Variants in CHCHD3 observed in about 807,000 individuals in gnomAD.
CHCHD3 encodes the protein MICOS complex subunit MIC19.
Under a neutral mutation model 38.2 loss-of-function variants are expected in CHCHD3, and 20 were observed. That is an observed-to-expected ratio of 0.52 (90% CI 0.37 to 0.76). The LOEUF (loss-of-function observed/expected upper bound fraction) is 0.76. Among genes scored for constraint, CHCHD3 ranks in the 30% least tolerant of loss-of-function variants. CHCHD3 has a pLI of 0.00. For missense variants in CHCHD3, 245 were observed against 279.2 expected (o/e 0.88, Z 0.87); for synonymous variants, 82 against 100.0 (o/e 0.82, Z 1.07).
intron 3 of CHCHD3, among the ~76,000 whole-genome samples, chr7:133,022,016 G>C (rs1813191431): frequency 6.6e-6 from 1 of 152,038 alleles, no homozygotes. Context: ...GAACCCCAGA[G>C]GTGGAGGTTG....
intron 5 of CHCHD3, among the ~76,000 whole-genome samples, chr7:132,861,551 A>G (rs1456868578): frequency 6.6e-6 from 1 of 152,194 alleles, no homozygotes; most frequent in Non-Finnish European, 1.5e-5. Context: ...TCCACAATCA[A>G]TTATCCTCAG....
At chr7:133,059,845 C>G (rs1006890748) in intron 2 of CHCHD3, among the ~76,000 whole-genome samples, 2 of 152,192 alleles carry the variant, frequency 1.3e-5, no homozygotes, top group Admixed American at 1.3e-4. Context: ...GCTTCATTAT[C>G]TGATTTGCTT....
intron 4 of CHCHD3, among the ~76,000 whole-genome samples, chr7:132,898,869 C>T (rs1349957495): frequency 1.3e-5 from 2 of 152,332 alleles, no homozygotes; most frequent in Admixed American, 1.3e-4. Flanking sequence ...CCTCATTGCC[C>T]GGGGCCGGCA....
intron 4 of CHCHD3, among the ~76,000 whole-genome samples, chr7:132,924,838 C>T (rs971467424): frequency 3.3e-5 from 5 of 152,166 alleles, no homozygotes; most frequent in South Asian, 2.1e-4. Flanking sequence ...ATACAGCACT[C>T]GGCATGCAGC....
intron 3 of CHCHD3, among the ~76,000 whole-genome samples, chr7:132,979,208 C>T (rs994121228): frequency 2.0e-5 from 3 of 151,910 alleles, no homozygotes; most frequent in African/African-American, 7.3e-5. Context: ...AAGGTGGTGG[C>T]AGGGGATAAA....
chr7:132,870,707 G>C (rs1325572775), intron 5 of CHCHD3, among the ~76,000 whole-genome samples: 1 of 151,918 alleles, frequency 6.6e-6, no homozygotes, highest in Non-Finnish European at 1.5e-5. Flanking sequence ...GTCTATATTT[G>C]GGAGGGCCAC....
At chr7:133,022,801 C>CT (rs1354572000) in intron 3 of CHCHD3, among the ~76,000 whole-genome samples, 79 of 150,064 alleles carry the variant, frequency 5.3e-4, no homozygotes, top group African/African-American at 1.8e-3. Context: ...CTCATCTGCC[C>CT]TTTCCCTTTC....
At chr7:132,796,656 G>A (rs958228363) in intron 6 of CHCHD3, 79 bp from the exon 7 acceptor site, 117 of 1,292,300 alleles carry the variant, frequency 9.1e-5, no homozygotes, top group Non-Finnish European at 1.1e-4. Flanking sequence ...CACATAAAAC[G>A]CACAGTAAGA....
At chr7:132,963,198 A>G (rs1478919986) in intron 4 of CHCHD3, among the ~76,000 whole-genome samples, 1 of 149,682 alleles carries the variant, frequency 6.7e-6, no homozygotes, top group African/African-American at 2.4e-5. Flanking sequence ...TAGAATGATA[A>G]AGTGTGGTAA....
intron 5 of CHCHD3, among the ~76,000 whole-genome samples, chr7:132,878,138 C>T (rs555143000): frequency 3.9e-5 from 6 of 152,256 alleles, no homozygotes; most frequent in African/African-American, 1.2e-4. Context: ...CTGCATTAAT[C>T]CCTTGAAAAG....
At chr7:133,041,089 C>T (rs1243886804) in intron 2 of CHCHD3, among the ~76,000 whole-genome samples, 4 of 152,262 alleles carry the variant, frequency 2.6e-5, no homozygotes, top group South Asian at 2.1e-4. Flanking sequence ...CAGAATGCCT[C>T]GATCTAAAAC....
chr7:132,825,019 G>A (rs1025865859), intron 6 of CHCHD3, among the ~76,000 whole-genome samples: 14 of 152,044 alleles, frequency 9.2e-5, no homozygotes, highest in African/African-American at 2.2e-4. Flanking sequence ...AATTTTTCAC[G>A]AACAAATCTT....
At chr7:132,841,401 C>CAA (rs10718893) in intron 5 of CHCHD3, among the ~76,000 whole-genome samples, 1 of 126,884 alleles carries the variant, frequency 7.9e-6, no homozygotes, top group African/African-American at 2.9e-5. Flanking sequence ...AGAACTCATT[C>CAA]AAAAAAAAAA....
intron 4 of CHCHD3, among the ~76,000 whole-genome samples, chr7:132,919,094 T>TTTA (rs1810192236): frequency 7.3e-6 from 1 of 136,832 alleles, no homozygotes; most frequent in Non-Finnish European, 1.5e-5. Flanking sequence ...TATAGTTGGG[T>TTTA]TTATTCTTTT....
chr7:132,819,248 G>C (rs1807280145), intron 6 of CHCHD3, among the ~76,000 whole-genome samples: 1 of 152,106 alleles, frequency 6.6e-6, no homozygotes, highest in Non-Finnish European at 1.5e-5. Context: ...ATAATTCTTA[G>C]TTTTTAGACA....
intron 5 of CHCHD3, among the ~76,000 whole-genome samples, chr7:132,839,874 A>G (rs780542484): frequency 1.3e-5 from 2 of 152,234 alleles, no homozygotes; most frequent in Non-Finnish European, 2.9e-5. Flanking sequence ...AACATTTACT[A>G]TAATCTTATT....
At position 133,035,585 on chromosome 7, in the gene CHCHD3, G is replaced by T. The variant is rs757442555; in HGVS notation, c.170-10958C>A. 217 of 1,613,212 alleles carry T rather than the reference G, an allele frequency of 1.3e-4. No individual in the cohort carries two copies. The highest frequency in any genetic ancestry group is 1.7e-4 in the Non-Finnish European group (200 of 1,179,416). On this transcript the variant is annotated intron_variant, in intron 2 of 7. Transcript: ENST00000262570. The surrounding 1 kb of genome is among the most constrained non-coding windows in gnomAD (Gnocchi z 4.7). ...TGATGCCCAAGGTGGGGAACACCCA[G>T]GTACTGGCTGGGGGCACTATATCGG...
chr7:133,023,992 C>A (rs1813263857), intron 3 of CHCHD3, among the ~76,000 whole-genome samples: 1 of 152,012 alleles, frequency 6.6e-6, no homozygotes, highest in African/African-American at 2.4e-5. Context: ...GAAGTGTGTG[C>A]AGAGGAAAAA....
intron 3 of CHCHD3, among the ~76,000 whole-genome samples, chr7:132,988,154 C>T (rs566249701): frequency 6.6e-6 from 1 of 151,926 alleles, no homozygotes; most frequent in Non-Finnish European, 1.5e-5. Context: ...GATCAGTGTT[C>T]CTAACGCTCA....
Sources: allele counts gnomAD v4.1 joint callset (sites outside exome capture counted in the v4.1 genomes callset), GRCh38; gene constraint gnomAD v4.1.1; non-coding constraint Gnocchi (gnomAD v3.1); transcripts MANE v1.5; gene names NCBI Gene and HGNC (gene_info 2026-07-23, HGNC 2026-07-21).